DDX50: variants seen among roughly 807,000 people sequenced by gnomAD.
DDX50 encodes the protein DExD-box helicase 50.
A neutral mutation model predicts 94.8 loss-of-function variants in DDX50; 56 were observed. That is an observed-to-expected ratio of 0.59 (90% confidence interval 0.48 to 0.74). DDX50 has a LOEUF of 0.74. Ranked by LOEUF, DDX50 falls within the 30% of genes least tolerant of loss-of-function variation. DDX50 has a pLI of 0.00. For missense variants in DDX50, 713 were observed against 881.2 expected (o/e 0.81, Z 2.42); for synonymous variants, 264 against 295.4 (o/e 0.89, Z 1.09).
intron 7 of DDX50, among the ~76,000 whole-genome samples, chr10:68,918,223 C>A (rs1000214338): frequency 1.3e-5 from 2 of 151,970 alleles, no homozygotes; most frequent in Admixed American, 1.3e-4. Flanking sequence ...TGCGCCCTGC[C>A]TATATATATC....
Position 68,922,441 on chromosome 10 carries a change from T to A in DDX50, c.1239+2460T>A, listed in dbSNP as rs183421405. Among the ~76,000 whole-genome samples the A allele has an allele frequency of 7.1e-4, 108 of 152,302 alleles. 1 individual carries two copies. The highest frequency in any genetic ancestry group is 8.8e-5 in the Non-Finnish European group (6 of 68,030). ...TATTTCTACTTCTTTCTTGAGTTATTTTATCTCATTGAAAAACTGAAAAGT... is the reference window on the plus strand; with the variant it reads ...TATTTCTACTTCTTTCTTGAGTTATATTATCTCATTGAAAAACTGAAAAGT... On this transcript the variant is annotated intron_variant, in intron 8 of 14. Transcript: ENST00000373585.
At chr10:68,936,623 G>C (rs1842426752) in intron 11 of DDX50, among the ~76,000 whole-genome samples, 1 of 147,640 alleles carries the variant, frequency 6.8e-6, no homozygotes, top group East Asian at 2.0e-4. Context: ...CAGATTGCTT[G>C]AGCTTAGGAG....
At chr10:68,915,751 T>C (rs1207743463) in intron 7 of DDX50, among the ~76,000 whole-genome samples, 1 of 151,748 alleles carries the variant, frequency 6.6e-6, no homozygotes, top group Non-Finnish European at 1.5e-5. Flanking sequence ...AAAGGTAATA[T>C]TTACCGTATT....
At position 68,911,257 on chromosome 10, in the gene DDX50, TA is replaced by T. The variant is rs779757385; in HGVS notation, c.639+12del. On this transcript the variant is annotated intron_variant, in intron 4 of 14. Coordinates refer to ENST00000373585, the MANE Select transcript of DDX50 (RefSeq NM_024045.2). ...AGCCGCTCACCAAAGGTAATCGTTA[TA>T]GGGGGTAAAAGCTTTAAATGTTACT... 26 of 1,575,114 alleles carry T rather than the reference TA, an allele frequency of 1.7e-5. 1 individual carries two copies. In the South Asian group the frequency reaches 2.1e-4, roughly 13 times the overall value.
At chr10:68,906,418 G>A in intron 1 of DDX50, 1 of 272,508 alleles carries the variant, frequency 3.7e-6, no homozygotes, top group Non-Finnish European at 6.8e-6. Flanking sequence ...TATAATTCTG[G>A]GGTTGTCTTT....
At chr10:68,906,034 G>A (rs1441390895) in intron 1 of DDX50, among the ~76,000 whole-genome samples, 1 of 152,212 alleles carries the variant, frequency 6.6e-6, no homozygotes, top group Admixed American at 6.5e-5. Context: ...TAGAAAGGTA[G>A]CACCCCGGTA....
At chr10:68,925,095 G>GTTTTT (rs1239190321) in intron 8 of DDX50, among the ~76,000 whole-genome samples, 10 of 28,572 alleles carry the variant, frequency 3.5e-4, no homozygotes, top group African/African-American at 7.9e-4. Flanking sequence ...CCTGCTCATG[G>GTTTTT]TTTTTTTTTT....
intron 4 of DDX50, among the ~76,000 whole-genome samples, chr10:68,912,564 C>G (rs1841659147): frequency 6.6e-6 from 1 of 152,164 alleles, no homozygotes; most frequent in African/African-American, 2.4e-5. Flanking sequence ...ACTGGAGATT[C>G]CAGCTCCGCC....
chr10:68,934,924 T>C lies in DDX50; in HGVS notation c.1521+6T>C. On this transcript the variant is annotated splice_donor_region_variant and intron_variant, in intron 10 of 14. Coordinates refer to ENST00000373585, the MANE Select transcript of DDX50 (RefSeq NM_024045.2). The surrounding 1 kb of genome is among the most constrained non-coding windows in gnomAD (Gnocchi z 4.0). ...GATATGTGGAACAAAAAGCAGTAAG[T>C]AGAGTTAAATTATTTCAGGCTTATT... 6.2e-7 allele frequency: 1 copy of C among 1,609,934 alleles called. No individual in the cohort carries two copies. The highest frequency in any genetic ancestry group is 8.5e-7 in the Non-Finnish European group (1 of 1,178,488).
At chr10:68,911,377 G>GT in intron 4 of DDX50, 131 bp downstream of exon 4, 2 of 993,910 alleles carry the variant, frequency 2.0e-6, no homozygotes, top group Non-Finnish European at 2.7e-6. Context: ...AAAATATGTT[G>GT]TTTTTCACAA....
In DDX50 at chr10:68,911,260, G is replaced by T; in HGVS notation, c.639+14G>T. 1 of 1,555,928 alleles carries T rather than the reference G, an allele frequency of 6.4e-7. No homozygotes were observed. ...CGCTCACCAAAGGTAATCGTTATAG[G>T]GGGTAAAAGCTTTAAATGTTACTCT... On this transcript the variant is annotated intron_variant, in intron 4 of 14. Coordinates refer to ENST00000373585, the MANE Select transcript of DDX50 (RefSeq NM_024045.2).
chr10:68,910,208 C>A, intron 2 of DDX50, 99 bp from the exon 3 acceptor site: 1 of 1,040,952 alleles, frequency 9.6e-7, no homozygotes, highest in Non-Finnish European at 1.4e-6. Context: ...AAAAGTGTTC[C>A]ACTAATTTTC....
intron 11 of DDX50, among the ~76,000 whole-genome samples, chr10:68,936,538 A>G (rs1257002897): frequency 7.8e-6 from 1 of 127,570 alleles, no homozygotes; most frequent in Admixed American, 8.5e-5. Flanking sequence ...ATATATATAT[A>G]TATATATATA....
At chr10:68,936,854 T>G in intron 11 of DDX50, 82 bp from the exon 12 acceptor site, 1 of 1,401,538 alleles carries the variant, frequency 7.1e-7, no homozygotes. Context: ...AAAAAAAAAT[T>G]ACTCCTTCTT....
Position 68,906,914 on chromosome 10 carries a change from A to G in DDX50, c.291A>G (p.Pro97=), listed in dbSNP as rs1208063178. 1 of 1,609,270 alleles carries G rather than the reference A, an allele frequency of 6.2e-7. No homozygotes were observed. The highest frequency in any genetic ancestry group is 8.5e-7 in the Non-Finnish European group (1 of 1,178,956). Reference sequence around the variant, plus strand: ...ATAAGTCAAGAAGAAAAGATCTACCAAATGGAGATATAGATGAATATGAAA... The same window carrying G: ...ATAAGTCAAGAAGAAAAGATCTACCGAATGGAGATATAGATGAATATGAAA... The part of the protein sequence containing the change: ...KSHKSRRKDL[P]NGDIDEYEKK... Residue 97 remains proline, a synonymous_variant, in exon 2 of 15, where the codon CCA becomes CCG. Coordinates refer to ENST00000373585, the MANE Select transcript of DDX50 (RefSeq NM_024045.2).
In DDX50 at chr10:68,943,136, C is replaced by T; in HGVS notation, c.1891-77C>T. On this transcript the variant is annotated intron_variant, in intron 13 of 14. Transcript: ENST00000373585. ...AAAATACATTAAGCAGCCACTGAGT[C>T]ATGCATTATTAGTAAAACAAAAAAA... The T allele has an allele frequency of 2.4e-6, 3 of 1,275,540 alleles. No individual in the cohort carries two copies. The South Asian group carries it at 3.9e-5, about 17-fold the overall frequency. 79.0% of individuals were successfully genotyped at this position (1,275,540 alleles called of 1,614,324 possible).
intron 12 of DDX50, among the ~76,000 whole-genome samples, chr10:68,939,541 CCTTT>C (rs1342630987): frequency 1.3e-5 from 2 of 152,174 alleles, no homozygotes; most frequent in Non-Finnish European, 1.5e-5. Context: ...ATCACTCTCC[CCTTT>C]CTTATTTCAG....
Position 68,925,094 on chromosome 10 carries a change from GGTTTTT to G in DDX50, c.1239+5114_1239+5119del, listed in dbSNP as rs1464919222. ...ACAAGAATTATCCTTCCCTGCTCAT[GGTTTTT>G]TTTTTTTTTTTTTTTTTTTTGAGAA... is the stretch of plus-strand genomic sequence containing the variant. On this transcript the variant is annotated intron_variant, in intron 8 of 14. Coordinates refer to ENST00000373585, the MANE Select transcript of DDX50 (RefSeq NM_024045.2). 3.6e-3 allele frequency among the ~76,000 whole-genome samples: 318 copies of G among 89,034 alleles called. 8 individuals carry two copies. Among genetic ancestry groups the G allele is most frequent in the African/African-American group, 0.011 (287 of 25,288 alleles). 58.4% of individuals were successfully genotyped at this position (89,034 alleles called of 152,430 possible). A position where few individuals can be genotyped will look rare whatever the true frequency, so the allele number is the denominator to read the frequency against.
intron 14 of DDX50, among the ~76,000 whole-genome samples, chr10:68,945,320 T>C (rs76624315): frequency 3.3e-5 from 5 of 152,036 alleles, no homozygotes; most frequent in Non-Finnish European, 7.4e-5. Flanking sequence ...TTTTTTTTTT[T>C]TCTTTGAGAC....
Sources: gnomAD v4.1 joint callset for allele counts (sites outside exome capture counted in the v4.1 genomes callset) on GRCh38, gnomAD v4.1.1 for gene constraint, Gnocchi (gnomAD v3.1) non-coding constraint, MANE v1.5 for transcripts, NCBI Gene and HGNC (gene_info 2026-07-23, HGNC 2026-07-21) for gene names.